ODF2: variants seen among roughly 807,000 people sequenced by gnomAD.
The protein encoded by ODF2 is outer dense fiber of sperm tails 2, also known as outer dense fiber protein 2.
Under a neutral mutation model 110.2 loss-of-function variants are expected in ODF2, and 47 were observed. The observed-to-expected ratio is 0.43, with a 90% CI of 0.34 to 0.54. The LOEUF (loss-of-function observed/expected upper bound fraction) is 0.54. Among genes scored for constraint, ODF2 ranks in the 20% least tolerant of loss-of-function variants. The probability of loss-of-function intolerance (pLI) is 0.03; values close to 1 mark genes in which losing one functional copy is unlikely to be tolerated. For synonymous variants in ODF2, 352 were observed against 397.7 expected (o/e 0.89, Z 1.37); for missense variants, 812 against 1,054.5 (o/e 0.77, Z 3.19).
exon 6 of ODF2, chr9:128,471,361 G>A (rs773984967): frequency 6.2e-7 from 1 of 1,613,628 alleles, no homozygotes; most frequent in Non-Finnish European, 8.5e-7. Context: ...TGGAGGAACG[G>A]AAGGAAGAGC....
chr9:128,466,287 GAAACCGTATC>G (rs1564467311), intron 4 of ODF2, among the ~76,000 whole-genome samples: 5 of 151,710 alleles, frequency 3.3e-5, no homozygotes, highest in African/African-American at 1.2e-4. Flanking sequence ...ACAATGTGAC[GAAACCGTATC>G]TCTACCAAAA....
chr9:128,457,913 G>A (rs1370147923), intron 2 of ODF2, among the ~76,000 whole-genome samples: 1 of 146,466 alleles, frequency 6.8e-6, no homozygotes, highest in Non-Finnish European at 1.5e-5. Flanking sequence ...CTTGGCTAAA[G>A]GATCAGTAGA....
intron 18 of ODF2, chr9:128,497,405 G>A (rs1398507286): frequency 9.4e-6 from 1 of 106,428 alleles, no homozygotes; most frequent in African/African-American, 3.6e-5. Flanking sequence ...GGCTAACACG[G>A]TGAAATCCCG....
chr9:128,457,509 G>T (rs577350667), intron 2 of ODF2: 4 of 1,491,232 alleles, frequency 2.7e-6, no homozygotes, highest in African/African-American at 2.8e-5. Context: ...GGGCAGGCTC[G>T]CCTGAGGCTT....
chr9:128,476,028 C>G (rs1349669518), intron 8 of ODF2, among the ~76,000 whole-genome samples: 1 of 152,022 alleles, frequency 6.6e-6, no homozygotes, highest in African/African-American at 2.4e-5. Flanking sequence ...ATAATATCCT[C>G]TAGTTTTGTG....
At chr9:128,469,261 A>G in exon 5 of ODF2, 1 of 1,614,044 alleles carries the variant, frequency 6.2e-7, no homozygotes, top group South Asian at 1.1e-5. Flanking sequence ...TGACCTCTCT[A>G]CAGAAGATGA....
chr9:128,473,409 C>T, intron 7 of ODF2: 1 of 648,346 alleles, frequency 1.5e-6, no homozygotes. Context: ...CCTTTCTCCA[C>T]CTTTGCTCGG....
intron 8 of ODF2, among the ~76,000 whole-genome samples, chr9:128,476,706 C>T (rs535302403): frequency 4.1e-4 from 61 of 149,834 alleles, no homozygotes; most frequent in African/African-American, 1.5e-3. Context: ...GGCACGATAT[C>T]GGCTCACTGC....
intron 5 of ODF2, among the ~76,000 whole-genome samples, 188 bp from the exon 6 acceptor site, chr9:128,471,120 G>A (rs1319499011): frequency 6.6e-6 from 1 of 152,080 alleles, no homozygotes; most frequent in Non-Finnish European, 1.5e-5. Flanking sequence ...CACCATGTTG[G>A]TCAGGCTGGT....
intron 5 of ODF2, among the ~76,000 whole-genome samples, chr9:128,470,018 A>AAAAAAT (rs1554829083): frequency 5.9e-5 from 1 of 16,986 alleles, no homozygotes; most frequent in Non-Finnish European, 9.6e-5. Flanking sequence ...AAAAAAAAAA[A>AAAAAAT]ATATATATAT....
chr9:128,497,189 G>C (rs1174173272), intron 18 of ODF2, among the ~76,000 whole-genome samples: 1 of 151,420 alleles, frequency 6.6e-6, no homozygotes, highest in Non-Finnish European at 1.5e-5. Context: ...ACTGAGCTTG[G>C]GGAGGAGTTA....
chr9:128,498,490 C>A lies in ODF2; in HGVS notation c.2090C>A (p.Ser697Tyr), dbSNP rs147355258. The A allele has an allele frequency of 1.1e-4, 183 of 1,613,570 alleles. 1 individual carries two copies. Among genetic ancestry groups the A allele is most frequent in the South Asian group, 6.2e-4 (56 of 90,920 alleles). Residue 697 changes from serine to tyrosine, a missense_variant, in exon 19 of 21, where the codon TCC becomes TAC. Transcript: ENST00000604420. The stretch of plus-strand genomic sequence containing the variant: ...AAGAGGGAGGAGGCAATCCACCAGT[C>A]CCAGCTGCGGCTGGAGGAGAAAACA...
chr9:128,465,763 A>C (rs1837693327), intron 4 of ODF2, among the ~76,000 whole-genome samples: 1 of 151,636 alleles, frequency 6.6e-6, no homozygotes, highest in South Asian at 2.1e-4. Context: ...AAAGTGATCT[A>C]TTTTTATTTA....
At chr9:128,467,020 T>A (rs1242992123) in intron 4 of ODF2, among the ~76,000 whole-genome samples, 7 of 28,808 alleles carry the variant, frequency 2.4e-4, no homozygotes, top group African/African-American at 1.0e-3. Context: ...AAAAAATATA[T>A]ATATATATAT....
chr9:128,479,729 G>C (rs1842060364), intron 8 of ODF2, among the ~76,000 whole-genome samples: 1 of 152,262 alleles, frequency 6.6e-6, no homozygotes, highest in East Asian at 1.9e-4. Context: ...GAGGTTGTGG[G>C]GAGAGGTTAA....
chr9:128,473,344 G>C, intron 7 of ODF2: 2 of 806,498 alleles, frequency 2.5e-6, no homozygotes, highest in Non-Finnish European at 3.0e-6. Context: ...ATCCTCCTTT[G>C]CTTCCTCCAG....
chr9:128,488,537 G>T (rs1843871747), intron 14 of ODF2, among the ~76,000 whole-genome samples: 1 of 152,218 alleles, frequency 6.6e-6, no homozygotes, highest in Non-Finnish European at 1.5e-5. Context: ...TGAGGTCCTT[G>T]TGAGAATGTG....
Position 128,485,020 on chromosome 9 carries a change from C to A in ODF2, c.1290+134C>A. 1.0e-6 allele frequency: 1 copy of A among 969,568 alleles called. No individual in the cohort carries two copies. The highest frequency in any genetic ancestry group is 1.6e-6 in the Non-Finnish European group (1 of 636,434). The allele number at this position is 969,568 out of a possible 1,614,324, so 60.1% of individuals were successfully genotyped here. A position where few individuals can be genotyped will look rare whatever the true frequency, so the allele number is the denominator to read the frequency against. ...TGGTAGTGGTGGAAAGGATAGATGG[C>A]TGGGGAGGAGGGAGAGGGAGTTAAG... On this transcript the variant is annotated intron_variant, in intron 12 of 20. Transcript: ENST00000604420. The surrounding 1 kb of genome is among the most constrained non-coding windows in gnomAD (Gnocchi z 5.0).
chr9:128,460,236 A>C (rs1182979910), intron 3 of ODF2: 14 of 1,327,128 alleles, frequency 1.1e-5, no homozygotes, highest in African/African-American at 3.0e-5. Flanking sequence ...GCATTCCAGC[A>C]GGTTTAGAGG....
Sources: allele counts gnomAD v4.1 joint callset (sites outside exome capture counted in the v4.1 genomes callset), GRCh38; gene constraint gnomAD v4.1.1; non-coding constraint Gnocchi (gnomAD v3.1); transcripts MANE v1.5; gene names NCBI Gene and HGNC (gene_info 2026-07-23, HGNC 2026-07-21).